SYNPO2: variants seen among roughly 807,000 people sequenced by gnomAD.
SYNPO2 encodes the protein synaptopodin 2, also known as synaptopodin-2.
A neutral mutation model predicts 85.0 loss-of-function variants in SYNPO2; 56 were observed. That is an observed-to-expected ratio of 0.66 (90% CI 0.53 to 0.82). The LOEUF (loss-of-function observed/expected upper bound fraction) is 0.82. SYNPO2 is among the 40% of genes least tolerant of loss of function. SYNPO2 has a pLI of 0.00. For synonymous variants in SYNPO2, 602 were observed against 591.1 expected, an observed-to-expected ratio of 1.02 and a Z score of -0.27; for missense variants, 1,575 against 1,534.2, an observed-to-expected ratio of 1.03 and a Z score of -0.44.
intron 1 of SYNPO2, among the ~76,000 whole-genome samples, chr4:118,960,473 A>T (rs552873536): frequency 1.3e-5 from 2 of 152,184 alleles, no homozygotes; most frequent in African/African-American, 4.8e-5. Flanking sequence ...TGAATGTAAA[A>T]TTGTAAAATT....
intron 1 of SYNPO2, among the ~76,000 whole-genome samples, chr4:118,983,212 T>C (rs1387646544): frequency 1.3e-5 from 2 of 152,110 alleles, no homozygotes; most frequent in African/African-American, 4.8e-5. Context: ...TTTTCCAGGA[T>C]CTTGTTCCAT....
At chr4:119,033,173 C>G (rs1040452916) in intron 4 of SYNPO2, 6 of 985,234 alleles carry the variant, frequency 6.1e-6, no homozygotes, top group Admixed American at 1.2e-4. Context: ...GCACGAGGAA[C>G]CCCATGTGTG....
chr4:118,894,731 A>G (rs2149115647), intron 1 of SYNPO2, among the ~76,000 whole-genome samples: 1 of 152,244 alleles, frequency 6.6e-6, no homozygotes, highest in African/African-American at 2.4e-5. Context: ...TGAGAATTCT[A>G]TATTCTGACA....
intron 1 of SYNPO2, among the ~76,000 whole-genome samples, chr4:118,871,698 T>A (rs1011121877): frequency 2.0e-5 from 3 of 152,084 alleles, no homozygotes; most frequent in East Asian, 1.9e-4. Context: ...CCTCCCGAGT[T>A]GCTGGGACTA....
intron 1 of SYNPO2, among the ~76,000 whole-genome samples, chr4:118,876,983 T>C (rs1731937965): frequency 6.6e-6 from 1 of 151,708 alleles, no homozygotes; most frequent in African/African-American, 2.4e-5. Flanking sequence ...TTTTTTTTTT[T>C]CTTGTAGAGA....
chr4:118,999,890 G>A (rs1736761900), intron 1 of SYNPO2, among the ~76,000 whole-genome samples: 1 of 152,182 alleles, frequency 6.6e-6, no homozygotes, highest in South Asian at 2.1e-4. Context: ...TTGAAGTAGA[G>A]ATGTTCAATA....
chr4:119,037,655 G>T (rs932321425), intron 4 of SYNPO2: 4 of 984,822 alleles, frequency 4.1e-6, no homozygotes, highest in South Asian at 4.7e-5. Context: ...AGGAGTTAAT[G>T]TATTAAGTTT....
At chr4:118,854,646 G>A (rs1731475784) in intron 1 of SYNPO2, among the ~76,000 whole-genome samples, 1 of 152,022 alleles carries the variant, frequency 6.6e-6, no homozygotes, top group African/African-American at 2.4e-5. Flanking sequence ...GAAACATCTT[G>A]TCATTATAAA....
At chr4:119,012,211 C>CTG (rs1332789430) in intron 1 of SYNPO2, among the ~76,000 whole-genome samples, 4 of 152,118 alleles carry the variant, frequency 2.6e-5, no homozygotes, top group African/African-American at 9.7e-5. Flanking sequence ...GCATGAACCA[C>CTG]TGTGCCCAGC....
At chr4:118,863,133 G>T (rs1276310892) in intron 1 of SYNPO2, among the ~76,000 whole-genome samples, 1 of 152,042 alleles carries the variant, frequency 6.6e-6, no homozygotes, top group African/African-American at 2.4e-5. Context: ...TTTCAAATGT[G>T]TATTTGTCTG....
At chr4:118,993,632 G>A (rs931948596) in intron 1 of SYNPO2, among the ~76,000 whole-genome samples, 1 of 152,116 alleles carries the variant, frequency 6.6e-6, no homozygotes, top group Non-Finnish European at 1.5e-5. Flanking sequence ...TTAGACTACA[G>A]ACTCCCATGA....
At chr4:119,016,005 T>C (rs547360484) in intron 1 of SYNPO2, among the ~76,000 whole-genome samples, 16 of 152,290 alleles carry the variant, frequency 1.1e-4, no homozygotes, top group Middle Eastern at 3.4e-3. Context: ...CGATGGTAAA[T>C]AGAATTGTAT....
In SYNPO2 at chr4:119,027,045, TCTC is replaced by T. The variant is rs1379726397; in HGVS notation, c.679_681del (p.Pro227del). The T allele has an allele frequency of 2.9e-5, 46 of 1,613,758 alleles. No homozygotes were observed. The highest frequency in any genetic ancestry group is 3.9e-5 in the Non-Finnish European group (46 of 1,179,980). On this transcript the variant is annotated inframe_deletion, in exon 3 of 5. Transcript: ENST00000307142. ...TCTCCCGGGAGCTGAAAAATCTAAG[TCTC>T]CTGACCCAGACCCTAACTTGTCACA... is the stretch of plus-strand genomic sequence containing the variant.
intron 1 of SYNPO2, among the ~76,000 whole-genome samples, chr4:119,003,209 A>G (rs1022779031): frequency 6.6e-6 from 1 of 152,236 alleles, no homozygotes; most frequent in Non-Finnish European, 1.5e-5. Flanking sequence ...GAAACTTACA[A>G]TCATGATGGA....
chr4:118,903,089 G>A (rs1159521374), intron 1 of SYNPO2, among the ~76,000 whole-genome samples: 1 of 152,030 alleles, frequency 6.6e-6, no homozygotes, highest in African/African-American at 2.4e-5. Context: ...ACTATGTAAC[G>A]AAATTGCTGC....
rs565322383 is a variant in SYNPO2, at chr4:118,874,906, G to A, written c.12+23966G>A. On this transcript the variant is annotated intron_variant, in intron 1 of 4. Transcript: ENST00000610556. ...CTTTGGGGGTACATGTGCAGAATGT[G>A]CAGGTTTGTTGCATATGTAAACGTG... is the stretch of plus-strand genomic sequence containing the variant. Among the ~76,000 whole-genome samples the A allele has an allele frequency of 5.6e-4, 86 of 152,260 alleles. 1 individual carries two copies. Among genetic ancestry groups the A allele is most frequent in the Non-Finnish European group, 7.6e-4 (52 of 68,014 alleles).
chr4:118,963,095 T>C (rs1167994227), intron 1 of SYNPO2, among the ~76,000 whole-genome samples: 2 of 152,304 alleles, frequency 1.3e-5, no homozygotes, highest in East Asian at 3.9e-4. Context: ...ACTCAATTTG[T>C]ATTGCATTTA....
At chr4:119,050,500 C>T (rs1319706497) in intron 4 of SYNPO2, among the ~76,000 whole-genome samples, 1 of 152,074 alleles carries the variant, frequency 6.6e-6, no homozygotes, top group Non-Finnish European at 1.5e-5. Flanking sequence ...TCTCACTATC[C>T]TCTGGAAAAA....
rs191952428 is a variant in SYNPO2 at position 118,996,821 on chromosome 4, C to T, written c.106-26609C>T. Among the ~76,000 whole-genome samples, 877 of 148,436 alleles carry T rather than the reference C, an allele frequency of 5.9e-3. 13 individuals carry two copies. Among genetic ancestry groups the T allele is most frequent in the African/African-American group, 0.021 (833 of 39,898 alleles). On this transcript the variant is annotated intron_variant, in intron 1 of 4. Transcript: ENST00000307142. ...GCGGTGAGCTGAGATCGCGCCACTG[C>T]ACTCCAGCCTGGGTGACAGAGTGAG...
Sources: gnomAD v4.1 joint callset for allele counts (sites outside exome capture counted in the v4.1 genomes callset) on GRCh38, gnomAD v4.1.1 for gene constraint, MANE v1.5 for transcripts, NCBI Gene and HGNC (gene_info 2026-07-23, HGNC 2026-07-21) for gene names.